RPL6: variants seen among roughly 807,000 people sequenced by gnomAD.
RPL6 encodes ribosomal protein L6.
Under a neutral mutation model 32.1 loss-of-function variants are expected in RPL6, and 1 was observed. The observed-to-expected ratio is 0.03, with a 90% confidence interval of 0.01 to 0.15. The LOEUF (loss-of-function observed/expected upper bound fraction) is 0.15. Ranked by LOEUF, RPL6 falls within the 10% of genes least tolerant of loss-of-function variation. The pLI is 1.00. For synonymous variants in RPL6, 126 were observed against 131.6 expected (o/e 0.96, Z 0.29); for missense variants, 275 against 354.6 (o/e 0.78, Z 1.80).
upstream of RPL6, among the ~76,000 whole-genome samples, chr12:112,410,045 C>T (rs760288292): frequency 4.6e-5 from 7 of 151,220 alleles, no homozygotes; most frequent in Non-Finnish European, 7.4e-5. Flanking sequence ...CGGTGGCTCA[C>T]GCCTGTAATC....
At chr12:112,416,586 G>A (rs562740792) in intron 1 of RPL6, among the ~76,000 whole-genome samples, 12 of 152,028 alleles carry the variant, frequency 7.9e-5, no homozygotes, top group South Asian at 6.2e-4. Context: ...ACAGTTAATT[G>A]TATTTTTAGT....
chr12:112,407,486 T>C (rs1198565601), intron 3 of RPL6: 1 of 152,914 alleles, frequency 6.5e-6, no homozygotes, highest in East Asian at 1.9e-4. Flanking sequence ...CATGATCACC[T>C]AATGGGAAAA....
At chr12:112,414,739 T>C (rs2037382842), upstream of RPL6, among the ~76,000 whole-genome samples, 1 of 151,728 alleles carries the variant, frequency 6.6e-6, no homozygotes, top group Non-Finnish European at 1.5e-5. Context: ...CTGTCTCTAC[T>C]AAAAAAATAC....
At chr12:112,406,640 C>T (rs2037176669) in intron 4 of RPL6, 107 bp downstream of exon 4, 4 of 1,412,550 alleles carry the variant, frequency 2.8e-6, no homozygotes, top group East Asian at 2.5e-5. Context: ...TTTCCCCTTG[C>T]CCCAAACATA....
chr12:112,406,600 T>C (rs1052866117), intron 4 of RPL6, 147 bp downstream of exon 4: 1 of 1,115,892 alleles, frequency 9.0e-7, no homozygotes, highest in Non-Finnish European at 1.3e-6. Flanking sequence ...ACTTCTTATT[T>C]GCAACAACTA....
At position 112,408,324 on chromosome 12, in the gene RPL6, C is replaced by T. The variant is rs749783789; in HGVS notation, c.252G>A (p.Lys84=). The change falls in exon 3 of 7, where the codon AAG becomes AAA. Residue 84 remains lysine, a synonymous_variant. Transcript: ENST00000202773. ...TAACAGTTGCGAGAACCTTCTCCTT[C>T]TTTTTCTTTTCAACCTACAAGGACA... is the stretch of plus-strand genomic sequence containing the variant. ...SAAKSKVEKK[K]KEKVLATVTK... is the part of the protein sequence containing the mutation. 1 of 1,613,816 alleles carries T rather than the reference C, an allele frequency of 6.2e-7. No individual in the cohort carries two copies. Among genetic ancestry groups the T allele is most frequent in the Non-Finnish European group, 8.5e-7 (1 of 1,180,026 alleles).
chr12:112,409,071 C>G lies in RPL6; in HGVS notation c.1-415G>C, dbSNP rs1322194833. 1.3e-5 allele frequency: 3 copies of G among 235,014 alleles called. 1 individual carries two copies. The highest frequency in any genetic ancestry group is 6.7e-5 in the African/African-American group (3 of 44,586). 14.6% of individuals were successfully genotyped at this position (235,014 alleles called of 1,614,324 possible). On this transcript the variant is annotated intron_variant, in intron 1 of 6. Transcript: ENST00000202773. Reference sequence around the variant, plus strand: ...GTACCTTTCGTCTTAACCCTTAAGACCAGTGTCTCTTTTCAAGAAACTCGA... The same window carrying G: ...GTACCTTTCGTCTTAACCCTTAAGAGCAGTGTCTCTTTTCAAGAAACTCGA...
chr12:112,407,928 C>T (rs2037224822), intron 3 of RPL6: 1 of 286,052 alleles, frequency 3.5e-6, no homozygotes, highest in African/African-American at 2.2e-5. Context: ...CCATGTTGGC[C>T]AGGCTGGTCT....
intron 5 of RPL6, 44 bp from the exon 6 acceptor site, chr12:112,406,081 C>A: frequency 6.6e-7 from 1 of 1,512,624 alleles, no homozygotes; most frequent in Admixed American, 1.8e-5. Context: ...GGGGAAGAAT[C>A]ATCATCCTGC....
At chr12:112,417,552 C>G (rs562500070) in intron 1 of RPL6, among the ~76,000 whole-genome samples, 2 of 145,976 alleles carry the variant, frequency 1.4e-5, no homozygotes, top group East Asian at 4.1e-4. Flanking sequence ...CCGTACCACC[C>G]GGCCCGGCTT....
chr12:112,408,004 GCCA>G, intron 3 of RPL6: 1 of 505,820 alleles, frequency 2.0e-6, no homozygotes, highest in Non-Finnish European at 3.5e-6. Context: ...ACAGGCATTA[GCCA>G]CCACACTCAG....
chr12:112,408,300 A>G lies in RPL6; in HGVS notation c.276T>C (p.Val92=). Residue 92 remains valine, a synonymous_variant, in exon 3 of 7, where the codon GTT becomes GTC. Transcript: ENST00000202773. ...TCTTGTCACCACCAACTGGTTTTGT[A>G]ACAGTTGCGAGAACCTTCTCCTTCT... is the stretch of plus-strand genomic sequence containing the variant. ...KKKKEKVLAT[V]TKPVGGDKNG... is the part of the protein sequence containing the mutation. The G allele has an allele frequency of 5.0e-6, 8 of 1,614,224 alleles. No homozygotes were observed. Among genetic ancestry groups the G allele is most frequent in the Non-Finnish European group, 6.8e-6 (8 of 1,180,048 alleles).
chr12:112,417,560 CTTTTTT>C (rs1209085428), intron 1 of RPL6, among the ~76,000 whole-genome samples: 11 of 75,082 alleles, frequency 1.5e-4, no homozygotes, highest in East Asian at 4.3e-4. Flanking sequence ...CCCGGCCCGG[CTTTTTT>C]TTTTTTTTTT....
chr12:112,410,228 A>T (rs2037318654), upstream of RPL6: 1 of 210,980 alleles, frequency 4.7e-6, no homozygotes, highest in Admixed American at 4.5e-5. Context: ...CTAAGGCGGG[A>T]GGATCACTTG....
At chr12:112,406,432 G>A (rs2135795156) in intron 4 of RPL6, 90 bp from the exon 5 acceptor site, 4 of 1,198,112 alleles carry the variant, frequency 3.3e-6, no homozygotes, top group Non-Finnish European at 4.9e-6. Flanking sequence ...TTTGGGTAAA[G>A]GAAATTTCTA....
In RPL6 at chr12:112,405,288, T is replaced by G. The variant is rs1207997458; in HGVS notation, c.803A>C (p.Gln268Pro). Reference protein sequence around the residue: ...LPKIKAIPQLQGYLRSVFALT... With the variant: ...LPKIKAIPQLPGYLRSVFALT... ...AGCAAACACAGATCGCAGGTAGCCC[T>G]GGAGCTGAGGAATAGCTTTGATTTT... The change falls in exon 7 of 7, where the codon CAG becomes CCG. Residue 268 changes from glutamine to proline, a missense_variant. By Grantham distance (76) the Gln-to-Pro change is moderately conservative. Coordinates refer to ENST00000202773, the MANE Select transcript of RPL6 (RefSeq NM_000970.6). 2.5e-6 allele frequency: 4 copies of G among 1,609,974 alleles called. No individual in the cohort carries two copies. The highest frequency in any genetic ancestry group is 3.4e-6 in the Non-Finnish European group (4 of 1,178,832).
At chr12:112,409,618 G>A (rs1315571563), upstream of RPL6, 3 of 397,954 alleles carry the variant, frequency 7.5e-6, no homozygotes, top group African/African-American at 6.2e-5. Context: ...TTAAGGTCCC[G>A]GCTTCCGGTC....
chr12:112,417,198 C>T (rs1020546229), intron 1 of RPL6, among the ~76,000 whole-genome samples: 11 of 152,130 alleles, frequency 7.2e-5, no homozygotes, highest in African/African-American at 2.7e-4. Flanking sequence ...GCTGGGACTA[C>T]AGGTGTGCGC....
chr12:112,406,452 G>T, intron 4 of RPL6, 110 bp from the exon 5 acceptor site: 1 of 973,972 alleles, frequency 1.0e-6, no homozygotes, highest in South Asian at 1.5e-5. Flanking sequence ...ACATGTATAT[G>T]TATACAGCTC....
Sources: allele counts gnomAD v4.1 joint callset (sites outside exome capture counted in the v4.1 genomes callset), GRCh38; gene constraint gnomAD v4.1.1; transcripts MANE v1.5; gene names NCBI Gene and HGNC (gene_info 2026-07-23, HGNC 2026-07-21).